Variants in ZNF783 observed in about 807,000 individuals in gnomAD.
The protein encoded by ZNF783 is zinc finger protein 783.
A neutral mutation model predicts 31.3 loss-of-function variants in ZNF783; 25 were observed. That is an observed-to-expected ratio of 0.80 (90% CI 0.58 to 1.11). ZNF783 has a LOEUF of 1.11. Among genes scored for constraint, ZNF783 ranks in the 50% most tolerant of loss-of-function variants. ZNF783 has a pLI of 0.00. For synonymous variants in ZNF783, 369 were observed against 319.1 expected, an observed-to-expected ratio of 1.16 and a Z score of -1.66; for missense variants, 797 against 760.0, an observed-to-expected ratio of 1.05 and a Z score of -0.57.
intron 5 of ZNF783, among the ~76,000 whole-genome samples, chr7:149,280,690 C>G (rs1468714093): frequency 1.3e-5 from 2 of 151,990 alleles, no homozygotes; most frequent in African/African-American, 4.8e-5. Flanking sequence ...CCCTCCGTGT[C>G]CACAGTCTGT....
chr7:149,265,557 G>A (rs929984629), intron 1 of ZNF783, among the ~76,000 whole-genome samples: 1 of 152,132 alleles, frequency 6.6e-6, no homozygotes, highest in African/African-American at 2.4e-5. Flanking sequence ...TTACAAGGGC[G>A]CTAATCCTAT....
At chr7:149,271,945 G>A (rs574524197) in intron 4 of ZNF783, among the ~76,000 whole-genome samples, 1 of 152,298 alleles carries the variant, frequency 6.6e-6, no homozygotes, top group South Asian at 2.1e-4. Flanking sequence ...GTATTTTGCT[G>A]ATATAAATAA....
rs1796949600 is a variant in ZNF783, at chr7:149,262,481, G to T, written c.24+124G>T. On this transcript the variant is annotated intron_variant, in intron 1 of 5. Coordinates refer to ENST00000434415, the MANE Select transcript of ZNF783 (RefSeq NM_001195220.2). Reference sequence around the variant, plus strand: ...GGCCTTGCGCGCAGCCTCCGCGCTCGTTGCCCCCGGCCCATCGCCCAGCCC... The same window carrying T: ...GGCCTTGCGCGCAGCCTCCGCGCTCTTTGCCCCCGGCCCATCGCCCAGCCC... 6.0e-6 allele frequency: 5 copies of T among 830,426 alleles called. 1 individual carries two copies. In the Admixed American group the frequency reaches 1.5e-4, roughly 24 times the overall value. 51.4% of individuals were successfully genotyped at this position (830,426 alleles called of 1,614,324 possible). A position where few individuals can be genotyped will look rare whatever the true frequency, so the allele number is the denominator to read the frequency against.
At chr7:149,270,243 C>G (rs1334933586) in intron 4 of ZNF783, among the ~76,000 whole-genome samples, 3 of 152,188 alleles carry the variant, frequency 2.0e-5, no homozygotes, top group Admixed American at 2.0e-4. Context: ...AGTCTTTTCA[C>G]CATTGCATTT....
At chr7:149,278,598 C>A (rs1797388490) in intron 5 of ZNF783, 71 bp downstream of exon 5, 1 of 1,585,856 alleles carries the variant, frequency 6.3e-7, no homozygotes, top group Non-Finnish European at 8.5e-7. Flanking sequence ...AGCGATGGTG[C>A]TGAGGAAAAG....
rs1563200015 is a variant in ZNF783, at chr7:149,281,878, C to T, written c.1176C>T (p.Ala392=). 2.0e-6 allele frequency: 3 copies of T among 1,508,290 alleles called. No homozygotes were observed. Among genetic ancestry groups the T allele is most frequent in the Admixed American group, 2.1e-5 (1 of 48,126 alleles). The allele number at this position is 1,508,290 out of a possible 1,614,324, so 93.4% of individuals were successfully genotyped here. Residue 392 remains alanine (A), a synonymous_variant, in exon 6 of 6, where the codon GCC becomes GCT. Transcript: ENST00000434415. ...RSPTSCGDSQ[A]MLEPGEVVVP... is the part of the protein sequence containing the mutation. ...CCACCAGCTGCGGGGACAGCCAGGC[C>T]ATGCTGGAGCCGGGGGAGGTGGTGG...
rs1246268944 is a variant in ZNF783, at chr7:149,262,309, A to G, written c.-25A>G. On this transcript the variant is annotated 5_prime_UTR_variant, in exon 1 of 6. Transcript: ENST00000434415. ...CCGACAGGCCGGGTCCAGGGACTGC[A>G]ACCCAGCGAGGGACGCGGGCAGCCA... 1.5e-6 allele frequency: 2 copies of G among 1,359,498 alleles called. No homozygotes were observed. Among genetic ancestry groups the G allele is most frequent in the Non-Finnish European group, 1.9e-6 (2 of 1,052,030 alleles). 84.2% of individuals were successfully genotyped at this position (1,359,498 alleles called of 1,614,324 possible). A position where few individuals can be genotyped will look rare whatever the true frequency, so the allele number is the denominator to read the frequency against.
At chr7:149,268,390 T>C (rs571222624) in intron 4 of ZNF783, among the ~76,000 whole-genome samples, 68 of 152,336 alleles carry the variant, frequency 4.5e-4, no homozygotes, top group African/African-American at 1.6e-3. Context: ...AAAAAACTTA[T>C]GACAATCCCC....
chr7:149,268,720 C>T (rs1797144485), intron 4 of ZNF783, among the ~76,000 whole-genome samples: 1 of 152,186 alleles, frequency 6.6e-6, no homozygotes, highest in African/African-American at 2.4e-5. Flanking sequence ...TCTGTTCTTG[C>T]ATTAGTTCAC....
intron 4 of ZNF783, among the ~76,000 whole-genome samples, chr7:149,274,288 G>C (rs1797274553): frequency 6.6e-6 from 1 of 151,782 alleles, no homozygotes; most frequent in Admixed American, 6.6e-5. Flanking sequence ...TCTGCATATG[G>C]ATATTCAGTT....
intron 4 of ZNF783, among the ~76,000 whole-genome samples, chr7:149,272,577 A>G (rs540391497): frequency 4.6e-5 from 7 of 151,360 alleles, no homozygotes; most frequent in African/African-American, 1.7e-4. Context: ...TTTTTCCTTT[A>G]GAACTCTTTC....
Position 149,262,320 on chromosome 7 carries a change from G to A in ZNF783, c.-14G>A. The A allele has an allele frequency of 2.2e-6, 3 of 1,355,566 alleles. No individual in the cohort carries two copies. Among genetic ancestry groups the A allele is most frequent in the Non-Finnish European group, 2.9e-6 (3 of 1,049,790 alleles). The allele number at this position is 1,355,566 out of a possible 1,614,324, so 84.0% of individuals were successfully genotyped here. A position where few individuals can be genotyped will look rare whatever the true frequency, so the allele number is the denominator to read the frequency against. ...GGTCCAGGGACTGCAACCCAGCGAG[G>A]GACGCGGGCAGCCATGGCCGAAGCG... is the stretch of plus-strand genomic sequence containing the variant. On this transcript the variant is annotated 5_prime_UTR_variant, in exon 1 of 6. Transcript: ENST00000434415.
chr7:149,264,554 A>G (rs1271782676), intron 1 of ZNF783, among the ~76,000 whole-genome samples: 2 of 152,144 alleles, frequency 1.3e-5, no homozygotes, highest in African/African-American at 4.8e-5. Flanking sequence ...GGGTACTGAA[A>G]TGATCTATTT....
intron 1 of ZNF783, among the ~76,000 whole-genome samples, chr7:149,263,324 A>ATTTTT (rs1210367064): frequency 2.8e-5 from 3 of 108,284 alleles, no homozygotes; most frequent in African/African-American, 1.1e-4. Flanking sequence ...ATATATATAT[A>ATTTTT]TTTTTTTTTT....
intron 4 of ZNF783, among the ~76,000 whole-genome samples, chr7:149,268,425 G>C (rs1387983166): frequency 1.3e-5 from 2 of 152,030 alleles, no homozygotes; most frequent in Non-Finnish European, 2.9e-5. Flanking sequence ...CAGCTTTATT[G>C]AGATATAATT....
intron 4 of ZNF783, chr7:149,276,655 T>TTATTTATCTATTTATC (rs1797336895): frequency 1.4e-6 from 1 of 728,056 alleles, no homozygotes; most frequent in Non-Finnish European, 1.7e-6. Context: ...GGGTTACTTT[T>TTATTTATCTATTTATC]TATTTATTTA....
chr7:149,271,300 G>A (rs1479178668), intron 4 of ZNF783, among the ~76,000 whole-genome samples: 2 of 152,186 alleles, frequency 1.3e-5, no homozygotes, highest in African/African-American at 2.4e-5. Context: ...AATTCTCAAC[G>A]AAATTTGCAT....
chr7:149,273,497 G>C (rs1797256064), intron 4 of ZNF783, among the ~76,000 whole-genome samples: 1 of 151,446 alleles, frequency 6.6e-6, no homozygotes, highest in Non-Finnish European at 1.5e-5. Flanking sequence ...TTTCTTTGAT[G>C]ATCGATTATG....
At chr7:149,264,062 C>CA (rs1381887054) in intron 1 of ZNF783, among the ~76,000 whole-genome samples, 2 of 152,266 alleles carry the variant, frequency 1.3e-5, no homozygotes, top group East Asian at 1.9e-4. Context: ...CTTGAGATCC[C>CA]AAAAAACTCC....
Sources: gnomAD v4.1 joint callset for allele counts (sites outside exome capture counted in the v4.1 genomes callset) on GRCh38, gnomAD v4.1.1 for gene constraint, MANE v1.5 for transcripts, NCBI Gene and HGNC (gene_info 2026-07-23, HGNC 2026-07-21) for gene names.